The following FHIP1A variants were observed in gnomAD, a reference collection of about 807,000 sequenced individuals.
The protein encoded by FHIP1A is FHF complex subunit HOOK interacting protein 1A.
A neutral mutation model predicts 88.6 loss-of-function variants in FHIP1A; 61 were observed. That is an observed-to-expected ratio of 0.69 (90% CI 0.56 to 0.85). The LOEUF (loss-of-function observed/expected upper bound fraction) is 0.85, where lower values mean the gene tolerates loss of function less well. Among genes scored for constraint, FHIP1A ranks in the 40% least tolerant of loss-of-function variants. The probability of loss-of-function intolerance (pLI) is 0.00; values close to 1 mark genes in which losing one functional copy is unlikely to be tolerated. For missense variants in FHIP1A, 1,154 were observed against 1,273.5 expected (o/e 0.91, Z 1.43); for synonymous variants, 478 against 496.0 (o/e 0.96, Z 0.48).
intron 1 of FHIP1A, among the ~76,000 whole-genome samples, chr4:151,447,963 C>T (rs1180738887): frequency 6.6e-6 from 1 of 152,178 alleles, no homozygotes; most frequent in Non-Finnish European, 1.5e-5. Flanking sequence ...GGCTGGAGTG[C>T]AGTGGCACAA....
chr4:151,434,543 G>C (rs920586297), intron 1 of FHIP1A, among the ~76,000 whole-genome samples: 2 of 152,126 alleles, frequency 1.3e-5, no homozygotes, highest in Admixed American at 6.5e-5. Context: ...TTTTCACATT[G>C]ACTCCAGTTA....
At chr4:151,538,906 T>A (rs970252959) in intron 3 of FHIP1A, among the ~76,000 whole-genome samples, 8 of 152,216 alleles carry the variant, frequency 5.3e-5, no homozygotes, top group Non-Finnish European at 1.0e-4. Context: ...TAGTTTTACA[T>A]AGGTATGGAG....
At chr4:151,620,553 T>C (rs1735699551) in intron 7 of FHIP1A, among the ~76,000 whole-genome samples, 1 of 152,104 alleles carries the variant, frequency 6.6e-6, no homozygotes, top group Admixed American at 6.5e-5. Context: ...TTTAAAATAA[T>C]AGAAGTTAGC....
chr4:151,600,829 CCG>C (rs1236838779), intron 7 of FHIP1A, among the ~76,000 whole-genome samples: 1 of 152,122 alleles, frequency 6.6e-6, no homozygotes, highest in African/African-American at 2.4e-5. Flanking sequence ...TCCAAGGACT[CCG>C]AGAGTGAGTG....
chr4:151,474,175 A>C (rs777764762), intron 2 of FHIP1A, among the ~76,000 whole-genome samples: 6 of 152,186 alleles, frequency 3.9e-5, no homozygotes, highest in Non-Finnish European at 8.8e-5. Flanking sequence ...TCAAGTGTGT[A>C]CTGGTGGAAA....
rs1401376795 is a variant in FHIP1A at position 151,656,728 on chromosome 4, G to C, written c.2731-32G>C. ...AACTGGGAGTGGAATTTCATGGTGA[G>C]GCATTAACATCAGTAATGCTGTTTT... On this transcript the variant is annotated intron_variant, in intron 12 of 13. Transcript: ENST00000435205. This position sits in a 1 kb window ranked among gnomAD's most constrained non-coding sequence, Gnocchi z 4.2. 5.2e-6 allele frequency: 8 copies of C among 1,536,370 alleles called. No individual in the cohort carries two copies. The East Asian group carries it at 2.0e-4, about 38-fold the overall frequency.
rs183266918 is a variant in FHIP1A at position 151,447,449 on chromosome 4, C to T, written c.-355-7252C>T. Reference sequence around the variant, plus strand: ...CTGCTCGAAGTATTAGCTATCACTTCCCCTGTGCTGCAGCCACACAGGTCT... The same window carrying T: ...CTGCTCGAAGTATTAGCTATCACTTTCCCTGTGCTGCAGCCACACAGGTCT... On this transcript the variant is annotated intron_variant, in intron 1 of 13. Transcript: ENST00000435205. 1.2e-3 allele frequency among the ~76,000 whole-genome samples: 176 copies of T among 152,324 alleles called. 2 individuals carry two copies. Among genetic ancestry groups the T allele is most frequent in the Non-Finnish European group, 7.4e-5 (5 of 68,022 alleles).
chr4:151,493,007 AACAAAC>A (rs1056552132), intron 3 of FHIP1A, among the ~76,000 whole-genome samples: 33 of 152,320 alleles, frequency 2.2e-4, no homozygotes, highest in Non-Finnish European at 4.0e-4. Flanking sequence ...ATAAAACTGA[AACAAAC>A]ACAAAGGCAA....
At chr4:151,507,739 C>T (rs1158374750) in intron 3 of FHIP1A, among the ~76,000 whole-genome samples, 3 of 152,114 alleles carry the variant, frequency 2.0e-5, no homozygotes, top group Non-Finnish European at 2.9e-5. Flanking sequence ...CTCCTCATCC[C>T]CCACCTCCTT....
chr4:151,596,155 G>A lies in FHIP1A; in HGVS notation c.978+7229G>A, dbSNP rs149848552. Among the ~76,000 whole-genome samples the A allele has an allele frequency of 9.1e-3, 1,383 of 152,262 alleles. 23 individuals are homozygous for A. The highest frequency in any genetic ancestry group is 0.031 in the African/African-American group (1,289 of 41,560). On this transcript the variant is annotated intron_variant, in intron 7 of 13. Transcript: ENST00000435205. ...TATAATTTGGTATGTTTCTGCAGTG[G>A]CTGGTTTTGGTTTTTCTTTCTTATG... is the stretch of plus-strand genomic sequence containing the variant.
intron 9 of FHIP1A, among the ~76,000 whole-genome samples, chr4:151,641,783 A>C (rs766608152): frequency 8.5e-5 from 13 of 152,222 alleles, no homozygotes; most frequent in Non-Finnish European, 1.9e-4. Context: ...TCTTCAAGTC[A>C]TTTAAACATT....
intron 11 of FHIP1A, among the ~76,000 whole-genome samples, chr4:151,651,391 G>A (rs1448443641): frequency 1.3e-5 from 2 of 152,170 alleles, no homozygotes; most frequent in Non-Finnish European, 2.9e-5. Flanking sequence ...ATAGATGAGA[G>A]GGCTCACTAA....
rs890802997 is a variant in FHIP1A, at chr4:151,482,536, T to G, written c.-235T>G. The G allele has an allele frequency of 2.0e-5, 3 of 147,192 alleles. No homozygotes were observed. The highest frequency in any genetic ancestry group is 7.3e-5 in the African/African-American group (3 of 41,078). 9.1% of individuals were successfully genotyped at this position (147,192 alleles called of 1,614,324 possible). On this transcript the variant is annotated 5_prime_UTR_variant, in exon 3 of 14. Transcript: ENST00000435205. ...TTCCTCTTCATAGATTTTTAAAGTC[T>G]TCTTCTAGGGGTTTCCAGCAGAGCC...
intron 3 of FHIP1A, chr4:151,534,839 AT>A (rs1198634806): frequency 6.6e-6 from 1 of 152,232 alleles, no homozygotes; most frequent in Admixed American, 6.5e-5. Context: ...GCCTTCAGAT[AT>A]TCCTACTCTT....
intron 3 of FHIP1A, among the ~76,000 whole-genome samples, chr4:151,493,706 G>C (rs1004435899): frequency 2.6e-5 from 4 of 152,114 alleles, no homozygotes; most frequent in Non-Finnish European, 5.9e-5. Flanking sequence ...CACATAAACA[G>C]AATTAAAAAC....
At chr4:151,516,786 C>G (rs77617653) in intron 3 of FHIP1A, among the ~76,000 whole-genome samples, 1 of 150,744 alleles carries the variant, frequency 6.6e-6, no homozygotes, top group African/African-American at 2.4e-5. Context: ...GGCAATCATT[C>G]AAAAGTCAGG....
intron 3 of FHIP1A, among the ~76,000 whole-genome samples, chr4:151,502,754 A>C (rs1464131116): frequency 6.6e-6 from 1 of 152,214 alleles, no homozygotes; most frequent in African/African-American, 2.4e-5. Flanking sequence ...ATATTCTTGA[A>C]CAATATACAA....
chr4:151,524,297 G>A (rs1054829556), intron 3 of FHIP1A, among the ~76,000 whole-genome samples: 1 of 115,358 alleles, frequency 8.7e-6, no homozygotes, highest in African/African-American at 3.3e-5. Flanking sequence ...GTGAGAATCT[G>A]TCTCAAAAAA....
intron 3 of FHIP1A, among the ~76,000 whole-genome samples, chr4:151,492,620 T>G (rs1355025163): frequency 1.3e-5 from 2 of 150,884 alleles, no homozygotes; most frequent in African/African-American, 4.9e-5. Flanking sequence ...AAATTGCAAT[T>G]ATATCAAGTA....
Sources: allele counts gnomAD v4.1 joint callset (sites outside exome capture counted in the v4.1 genomes callset), GRCh38; gene constraint gnomAD v4.1.1; non-coding constraint Gnocchi (gnomAD v3.1); transcripts MANE v1.5; gene names NCBI Gene and HGNC (gene_info 2026-07-23, HGNC 2026-07-21).